The following PTPRS variants were observed in gnomAD, a reference collection of about 807,000 sequenced individuals.
PTPRS encodes receptor-type tyrosine-protein phosphatase S.
In PTPRS, 63 loss-of-function variants were observed where a neutral mutation model predicts 215.3. The observed-to-expected ratio is 0.29, with a 90% CI of 0.24 to 0.36. PTPRS has a LOEUF of 0.36. Among genes scored for constraint, PTPRS ranks in the 10% least tolerant of loss-of-function variants. The pLI, the probability that PTPRS is intolerant of heterozygous loss-of-function variation, is 1.00. For missense variants in PTPRS, 2,258 were observed against 2,825.8 expected (o/e 0.80, Z 4.56); for synonymous variants, 1,404 against 1,191.4 (o/e 1.18, Z -3.68).
At chr19:5,256,034 TTG>T (rs2045530804) in intron 9 of PTPRS, 72 bp downstream of exon 9, 1 of 1,367,136 alleles carries the variant, frequency 7.3e-7, no homozygotes, top group Non-Finnish European at 1.0e-6. Flanking sequence ...TACATGTGTT[TTG>T]TGTGTGTGCG....
In PTPRS at chr19:5,240,206, C is replaced by T; in HGVS notation, c.1697G>A (p.Gly566Asp). 6.5e-7 allele frequency: 1 copy of T among 1,544,170 alleles called. No homozygotes were observed. Among genetic ancestry groups the T allele is most frequent in the African/African-American group, 1.4e-5 (1 of 73,174 alleles). Residue 566 changes from glycine (G) to aspartate (D), a missense_variant, in exon 12 of 38, where the codon GGC becomes GAC. Physicochemically the swap from Gly to Asp is moderately conservative, Grantham distance 94. Coordinates refer to ENST00000262963, the MANE Select transcript of PTPRS (RefSeq NM_002850.4). ...YELLFREGDH[G>D]REVGRTFDPT... is the part of the protein sequence containing the mutation. ...GTCCCCGCGCTGCCTCACCTCCCGG[C>T]CATGGTCGCCTTCCCGGAAGAGGAG...
At chr19:5,261,289 T>A (rs558234762) in intron 6 of PTPRS, among the ~76,000 whole-genome samples, 186 of 152,106 alleles carry the variant, frequency 1.2e-3, no homozygotes, top group African/African-American at 4.1e-3. Context: ...ACAGGAATTA[T>A]CTTGTTAGAG....
At chr19:5,298,166 C>T (rs981154581) in intron 1 of PTPRS, among the ~76,000 whole-genome samples, 4 of 152,164 alleles carry the variant, frequency 2.6e-5, no homozygotes, top group African/African-American at 7.2e-5. Context: ...CATTAGCAGA[C>T]CATGTTCCAG....
At chr19:5,273,741 C>T (rs905708783) in intron 3 of PTPRS, among the ~76,000 whole-genome samples, 158 bp from the exon 4 acceptor site, 4 of 152,056 alleles carry the variant, frequency 2.6e-5, no homozygotes, top group African/African-American at 7.3e-5. Context: ...GCACGTGTGT[C>T]GGTGTCCAGT....
At chr19:5,274,875 A>C (rs2047226243) in intron 2 of PTPRS, among the ~76,000 whole-genome samples, 1 of 152,164 alleles carries the variant, frequency 6.6e-6, no homozygotes, top group Non-Finnish European at 1.5e-5. Context: ...ACCATGGGAC[A>C]TGAGGTCAGA....
At chr19:5,286,006 A>T (rs2048322547) in intron 2 of PTPRS, 44 bp downstream of exon 2, 1 of 1,568,162 alleles carries the variant, frequency 6.4e-7, no homozygotes, top group South Asian at 1.1e-5. Context: ...GCACACAGGT[A>T]AACAAACACG....
rs754909498 is a variant in PTPRS at position 5,262,914 on chromosome 19, C to T, written c.577+50G>A. The T allele has an allele frequency of 7.8e-6, 12 of 1,544,124 alleles. No individual in the cohort carries two copies. In the Admixed American group the frequency reaches 2.2e-4, roughly 28 times the overall value. The stretch of plus-strand genomic sequence containing the variant: ...GAGGAGAAGGGGAGCAGAAGGGGCA[C>T]AAAGGGGATGGGGCGTTAGTTGTTG... On this transcript the variant is annotated intron_variant, in intron 6 of 37. Coordinates refer to ENST00000262963, the MANE Select transcript of PTPRS (RefSeq NM_002850.4).
chr19:5,221,429 A>G (rs2041968435), intron 19 of PTPRS, among the ~76,000 whole-genome samples, 176 bp from the exon 20 acceptor site: 1 of 151,522 alleles, frequency 6.6e-6, no homozygotes, highest in Non-Finnish European at 1.5e-5. Context: ...ACTCTGACTG[A>G]GCCCCAACCT....
chr19:5,326,838 AAG>A (rs1428193609), intron 1 of PTPRS, among the ~76,000 whole-genome samples: 1 of 152,064 alleles, frequency 6.6e-6, no homozygotes, highest in East Asian at 1.9e-4. Flanking sequence ...ACAAGAGAGA[AAG>A]AAAGAAAAAG....
chr19:5,284,313 C>T (rs7257020), intron 2 of PTPRS, among the ~76,000 whole-genome samples: 72,943 of 151,222 alleles, frequency 0.48, 17,994 homozygotes, highest in Admixed American at 0.51. Flanking sequence ...TGAGCCGAGA[C>T]TGCGCCACCG....
intron 13 of PTPRS, among the ~76,000 whole-genome samples, 179 bp downstream of exon 13, chr19:5,238,738 TGG>T (rs2043705908): frequency 6.6e-6 from 1 of 152,114 alleles, no homozygotes; most frequent in South Asian, 2.1e-4. Context: ...GCTGTGCTGA[TGG>T]GGATACTGAG....
At chr19:5,284,707 G>A (rs943245577) in intron 2 of PTPRS, among the ~76,000 whole-genome samples, 2 of 152,264 alleles carry the variant, frequency 1.3e-5, no homozygotes, top group South Asian at 4.1e-4. Flanking sequence ...AGCACTTTGG[G>A]AGGCAGAGGC....
At chr19:5,207,799 G>A (rs929328921) in intron 37 of PTPRS, 123 bp downstream of exon 37, 18 of 1,417,220 alleles carry the variant, frequency 1.3e-5, no homozygotes, top group African/African-American at 7.1e-5. Flanking sequence ...TCTGTGGACC[G>A]TCTACCCACA....
chr19:5,223,960 T>C lies in PTPRS; in HGVS notation c.2495-663A>G, dbSNP rs185178827. On this transcript the variant is annotated intron_variant, in intron 17 of 37. Coordinates refer to ENST00000262963, the MANE Select transcript of PTPRS (RefSeq NM_002850.4). ...TTGGGAGGCTGAGATGGGCAGATCA[T>C]TTCAGGTCAGGAGTTCGAGACCAGC... 3.6e-3 allele frequency among the ~76,000 whole-genome samples: 540 copies of C among 151,800 alleles called. 2 individuals carry two copies. Among genetic ancestry groups the C allele is most frequent in the Admixed American group, 5.8e-3 (89 of 15,276 alleles).
rs908131312 is a variant in PTPRS, at chr19:5,339,991, C to G, written c.-95+673G>C. Among the ~76,000 whole-genome samples the G allele has an allele frequency of 5.3e-5, 8 of 151,900 alleles. No homozygotes were observed. Among genetic ancestry groups the G allele is most frequent in the Non-Finnish European group, 1.2e-4 (8 of 67,876 alleles). ...GAGGCCGCAGAAGGGTGGGGCAATGCCCGAGTGCCGGAGGGGCGACCTCCC... is the reference window on the plus strand; with the variant it reads ...GAGGCCGCAGAAGGGTGGGGCAATGGCCGAGTGCCGGAGGGGCGACCTCCC... On this transcript the variant is annotated intron_variant, in intron 1 of 37. Transcript: ENST00000262963. This position sits in a 1 kb window ranked among gnomAD's most constrained non-coding sequence, Gnocchi z 4.2.
chr19:5,219,032 TC>T, intron 23 of PTPRS: 3 of 631,292 alleles, frequency 4.8e-6, no homozygotes, highest in Non-Finnish European at 8.2e-6. Flanking sequence ...ACAATTGCTA[TC>T]CTCATTGAAC....
At chr19:5,280,722 C>T (rs946729891) in intron 2 of PTPRS, among the ~76,000 whole-genome samples, 1 of 151,636 alleles carries the variant, frequency 6.6e-6, no homozygotes, top group Non-Finnish European at 1.5e-5. Flanking sequence ...ACTCTGTCTC[C>T]AAAACAAAAC....
At chr19:5,340,470 G>A (rs1296752839) in intron 1 of PTPRS, among the ~76,000 whole-genome samples, 194 bp downstream of exon 1, 2 of 150,682 alleles carry the variant, frequency 1.3e-5, no homozygotes, top group Admixed American at 1.3e-4. Flanking sequence ...GCATTGTCCG[G>A]GCGCAGCTAC....
chr19:5,222,131 G>A lies in PTPRS; in HGVS notation c.3193C>T (p.Pro1065Ser). The A allele has an allele frequency of 4.3e-6, 7 of 1,613,288 alleles. No individual in the cohort carries two copies. The highest frequency in any genetic ancestry group is 5.9e-6 in the Non-Finnish European group (7 of 1,179,420). Residue 1065 changes from proline to serine, a missense_variant, in exon 19 of 38, where the codon CCC (proline) becomes TCC (serine). By Grantham distance (74) the Pro-to-Ser change is moderately conservative. Transcript: ENST00000262963. ...EFPDNYNSPT[P>S]YKIQYNGLTL... is the part of the protein sequence containing the mutation. Reference sequence around the variant, plus strand: ...TGGCTGGGCAGTCGCACCTTGTAGGGTGTGGGTGAGTTGTAGTTGTCAGGG... The same window carrying A: ...TGGCTGGGCAGTCGCACCTTGTAGGATGTGGGTGAGTTGTAGTTGTCAGGG...
Sources: gnomAD v4.1 joint callset for allele counts (sites outside exome capture counted in the v4.1 genomes callset) on GRCh38, gnomAD v4.1.1 for gene constraint, Gnocchi (gnomAD v3.1) non-coding constraint, MANE v1.5 for transcripts, NCBI Gene and HGNC (gene_info 2026-07-23, HGNC 2026-07-21) for gene names.